Variants in CDKAL1 observed in about 807,000 individuals in gnomAD.
The protein encoded by CDKAL1 is CDKAL1 threonylcarbamoyladenosine tRNA methylthiotransferase.
Under a neutral mutation model 68.2 loss-of-function variants are expected in CDKAL1, and 32 were observed. That is an observed-to-expected ratio of 0.47 (90% CI 0.35 to 0.63). The LOEUF (loss-of-function observed/expected upper bound fraction) is 0.63. Among genes scored for constraint, CDKAL1 ranks in the 30% least tolerant of loss-of-function variants. The probability of loss-of-function intolerance (pLI) is 0.00; values close to 1 mark genes in which losing one functional copy is unlikely to be tolerated. For synonymous variants in CDKAL1, 234 were observed against 244.3 expected, an observed-to-expected ratio of 0.96 and a Z score of 0.39; for missense variants, 606 against 696.7, an observed-to-expected ratio of 0.87 and a Z score of 1.47.
chr6:20,755,691 C>T (rs577984351), intron 6 of CDKAL1, among the ~76,000 whole-genome samples: 1 of 152,254 alleles, frequency 6.6e-6, no homozygotes, highest in East Asian at 1.9e-4. Context: ...TATTAACAAA[C>T]CTTGGGTCAG....
chr6:21,131,366 G>A (rs1230345346), intron 13 of CDKAL1, among the ~76,000 whole-genome samples: 2 of 152,164 alleles, frequency 1.3e-5, no homozygotes, highest in Non-Finnish European at 2.9e-5. Flanking sequence ...CTTTCAGGGT[G>A]TTTGTCTCCA....
chr6:21,014,540 G>A (rs1768205449), intron 11 of CDKAL1, among the ~76,000 whole-genome samples: 1 of 152,026 alleles, frequency 6.6e-6, no homozygotes, highest in Non-Finnish European at 1.5e-5. Context: ...GAACCTGGGA[G>A]GCGGAGCTTG....
At chr6:20,587,931 A>G (rs925190987) in intron 4 of CDKAL1, among the ~76,000 whole-genome samples, 1 of 152,080 alleles carries the variant, frequency 6.6e-6, no homozygotes, top group Non-Finnish European at 1.5e-5. Context: ...CCCTGTTTCT[A>G]TGAAAAATAT....
chr6:20,960,673 A>G (rs1765009530), intron 10 of CDKAL1, among the ~76,000 whole-genome samples: 1 of 152,214 alleles, frequency 6.6e-6, no homozygotes. Context: ...TAGTTTATTA[A>G]CTGTTCCTTG....
chr6:20,955,628 C>A, intron 10 of CDKAL1, 43 bp downstream of exon 10: 1 of 1,566,824 alleles, frequency 6.4e-7, no homozygotes, highest in Non-Finnish European at 8.7e-7. Context: ...TAGACACTAA[C>A]CAGTCCAGAC....
chr6:20,794,242 G>T (rs946496938), intron 8 of CDKAL1, among the ~76,000 whole-genome samples: 1 of 151,576 alleles, frequency 6.6e-6, no homozygotes, highest in African/African-American at 2.4e-5. Context: ...TCTTTTTTTG[G>T]TATAGTAGGT....
intron 13 of CDKAL1, among the ~76,000 whole-genome samples, chr6:21,164,020 T>G (rs995536857): frequency 6.6e-6 from 1 of 151,986 alleles, no homozygotes; most frequent in Non-Finnish European, 1.5e-5. Flanking sequence ...TCCCTGTCCC[T>G]AGCATTGCCC....
At chr6:21,182,030 G>A (rs1777808737) in intron 13 of CDKAL1, among the ~76,000 whole-genome samples, 1 of 152,140 alleles carries the variant, frequency 6.6e-6, no homozygotes, top group South Asian at 2.1e-4. Context: ...TGGCACCTAA[G>A]ACCTATATCT....
intron 11 of CDKAL1, among the ~76,000 whole-genome samples, chr6:21,054,463 G>A (rs1239399504): frequency 6.6e-6 from 1 of 151,968 alleles, no homozygotes; most frequent in Non-Finnish European, 1.5e-5. Context: ...TACATTTTAA[G>A]CACAGCTTGT....
chr6:20,896,093 CTTTTCTTTTCTTTT>C (rs1442488146), intron 9 of CDKAL1, among the ~76,000 whole-genome samples: 2 of 104,552 alleles, frequency 1.9e-5, no homozygotes, highest in East Asian at 6.7e-4. Flanking sequence ...TTTTTCTTTT[CTTTTCTTTTCTTTT>C]TTTTTTTTTT....
In CDKAL1 at chr6:20,807,500, C is replaced by T. The variant is rs185972529; in HGVS notation, c.638+26235C>T. ...CCTCCCAAAGTGCTGGGACTACAGGCGCAAGCCACTGTACCCGGCCTGAAA... is the reference window on the plus strand; with the variant it reads ...CCTCCCAAAGTGCTGGGACTACAGGTGCAAGCCACTGTACCCGGCCTGAAA... On this transcript the variant is annotated intron_variant, in intron 8 of 15. Transcript: ENST00000274695. Among the ~76,000 whole-genome samples the T allele has an allele frequency of 9.9e-5, 15 of 152,264 alleles. No individual in the cohort carries two copies. In the East Asian group the frequency reaches 2.1e-3, roughly 22 times the overall value.
intron 5 of CDKAL1, among the ~76,000 whole-genome samples, chr6:20,679,411 A>G (rs1163647384): frequency 6.6e-6 from 1 of 152,232 alleles, no homozygotes; most frequent in East Asian, 1.9e-4. Flanking sequence ...CATTGCTACA[A>G]TGCATAGCAT....
intron 9 of CDKAL1, among the ~76,000 whole-genome samples, chr6:20,944,825 T>A (rs1220405682): frequency 6.6e-6 from 1 of 152,234 alleles, no homozygotes; most frequent in Non-Finnish European, 1.5e-5. Flanking sequence ...AAAATTACCT[T>A]TTGTTGACAT....
intron 8 of CDKAL1, among the ~76,000 whole-genome samples, chr6:20,829,136 G>A (rs1410471457): frequency 6.6e-6 from 1 of 152,180 alleles, no homozygotes; most frequent in East Asian, 1.9e-4. Flanking sequence ...AATGTTTGCT[G>A]TGATCATTAC....
intron 13 of CDKAL1, among the ~76,000 whole-genome samples, chr6:21,169,453 G>A (rs1168246164): frequency 6.6e-6 from 1 of 152,144 alleles, no homozygotes; most frequent in African/African-American, 2.4e-5. Context: ...TGGCCAACAT[G>A]GCGAAACCCT....
chr6:21,141,074 T>A (rs1775882861), intron 13 of CDKAL1, among the ~76,000 whole-genome samples: 1 of 152,158 alleles, frequency 6.6e-6, no homozygotes. Context: ...ATGGGAATTC[T>A]GGGAGTTACA....
intron 10 of CDKAL1, among the ~76,000 whole-genome samples, chr6:20,962,428 C>A (rs1031532047): frequency 6.6e-6 from 1 of 152,178 alleles, no homozygotes; most frequent in South Asian, 2.1e-4. Flanking sequence ...TATATTCTAA[C>A]CTAATTCTGT....
intron 10 of CDKAL1, among the ~76,000 whole-genome samples, chr6:20,983,729 C>G (rs1459614786): frequency 6.6e-6 from 1 of 152,064 alleles, no homozygotes; most frequent in Non-Finnish European, 1.5e-5. Flanking sequence ...TTAAAAATAA[C>G]CCAAAAAGCT....
In CDKAL1 at chr6:20,782,300, G is replaced by C. The variant is rs533277141; in HGVS notation, c.638+1035G>C. Among the ~76,000 whole-genome samples, 4 of 152,314 alleles carry C rather than the reference G, an allele frequency of 2.6e-5. No individual in the cohort carries two copies. In the South Asian group the frequency reaches 8.3e-4, roughly 32 times the overall value. Reference sequence around the variant, plus strand: ...TCAGTGACTTGGTGAATTTGTTGTAGACCAGCATCTGGCCTTCAGCGTTGA... The same window carrying C: ...TCAGTGACTTGGTGAATTTGTTGTACACCAGCATCTGGCCTTCAGCGTTGA... On this transcript the variant is annotated intron_variant, in intron 8 of 15. Coordinates refer to ENST00000274695, the MANE Select transcript of CDKAL1 (RefSeq NM_017774.3).
Sources: gnomAD v4.1 joint callset for allele counts (sites outside exome capture counted in the v4.1 genomes callset) on GRCh38, gnomAD v4.1.1 for gene constraint, MANE v1.5 for transcripts, NCBI Gene and HGNC (gene_info 2026-07-23, HGNC 2026-07-21) for gene names.